Variants in GSE1 observed in about 807,000 individuals in gnomAD.
The protein encoded by GSE1 is Gse1 coiled-coil protein.
In GSE1, 32 loss-of-function variants were observed where a neutral mutation model predicts 112.6. The ratio of observed to expected loss-of-function variants is 0.28; its 90% CI spans 0.21 to 0.38. The LOEUF (loss-of-function observed/expected upper bound fraction) is 0.38, where lower values mean the gene tolerates loss of function less well. Ranked by LOEUF, GSE1 falls within the 10% of genes least tolerant of loss-of-function variation. The pLI is 1.00. For missense variants in GSE1, 2,348 were observed against 1,699.2 expected (o/e 1.38, Z -6.71); for synonymous variants, 1,115 against 735.6 (o/e 1.52, Z -8.35).
chr16:85,247,009 G>T (rs909558137), intron 1 of GSE1, among the ~76,000 whole-genome samples: 2 of 152,026 alleles, frequency 1.3e-5, no homozygotes, highest in African/African-American at 2.4e-5. Flanking sequence ...GTCCCTAGAG[G>T]GGGGCACCGC....
At chr16:85,389,519 G>A (rs964788355) in intron 2 of GSE1, among the ~76,000 whole-genome samples, 8 of 151,806 alleles carry the variant, frequency 5.3e-5, no homozygotes, top group Admixed American at 5.2e-4. Context: ...GAGGGTGGGG[G>A]TCACATTATT....
At chr16:85,303,851 G>A (rs2045592137) in intron 1 of GSE1, among the ~76,000 whole-genome samples, 1 of 152,242 alleles carries the variant, frequency 6.6e-6, no homozygotes, top group African/African-American at 2.4e-5. Flanking sequence ...CATGGGAGAA[G>A]GCTGGGAATC....
chr16:85,335,358 C>T (rs1412282772), intron 1 of GSE1, among the ~76,000 whole-genome samples: 2 of 152,264 alleles, frequency 1.3e-5, no homozygotes, highest in Non-Finnish European at 2.9e-5. Context: ...GCATTCTTTC[C>T]TCGGCAAGCG....
chr16:85,409,937 C>G (rs866063161), intron 2 of GSE1, among the ~76,000 whole-genome samples: 1 of 7,686 alleles, frequency 1.3e-4, no homozygotes, highest in African/African-American at 4.9e-4. Flanking sequence ...TACACTCAGG[C>G]CCCCCGGATA....
At chr16:85,532,861 C>T (rs1344397772) in intron 2 of GSE1, among the ~76,000 whole-genome samples, 1 of 152,220 alleles carries the variant, frequency 6.6e-6, no homozygotes, top group Non-Finnish European at 1.5e-5. Flanking sequence ...GTGAAGTGGG[C>T]CGCCCCTGCA....
intron 2 of GSE1, among the ~76,000 whole-genome samples, chr16:85,514,388 T>C (rs1598021750): frequency 8.8e-6 from 1 of 113,498 alleles, no homozygotes; most frequent in South Asian, 3.5e-4. Flanking sequence ...CTTTGCACCC[T>C]CTGAGTCCTG....
intron 1 of GSE1, among the ~76,000 whole-genome samples, chr16:85,220,722 C>A (rs1272180464): frequency 6.6e-6 from 1 of 152,204 alleles, no homozygotes; most frequent in Non-Finnish European, 1.5e-5. Flanking sequence ...CTCTCTCGCG[C>A]TCTCTGCACC....
intron 2 of GSE1, among the ~76,000 whole-genome samples, chr16:85,364,942 C>T (rs111915653): frequency 6.6e-6 from 1 of 152,240 alleles, no homozygotes; most frequent in Non-Finnish European, 1.5e-5. Flanking sequence ...TACATGCTCT[C>T]CCTGGGTCCT....
chr16:85,457,459 T>G (rs1048619464), intron 2 of GSE1, among the ~76,000 whole-genome samples: 4 of 152,206 alleles, frequency 2.6e-5, no homozygotes, highest in Non-Finnish European at 5.9e-5. Context: ...TCATCCTGGG[T>G]TTCTCTGTCC....
intron 2 of GSE1, among the ~76,000 whole-genome samples, chr16:85,635,441 C>G (rs546332611): frequency 2.1e-3 from 316 of 152,292 alleles, no homozygotes; most frequent in African/African-American, 7.3e-3. Flanking sequence ...GTCAAGAGGC[C>G]GGACAGCTGC....
intron 1 of GSE1, among the ~76,000 whole-genome samples, chr16:85,343,059 GCCTC>G (rs2046658545): frequency 6.6e-6 from 1 of 151,986 alleles, no homozygotes; most frequent in Admixed American, 6.5e-5. Flanking sequence ...TGCTGGATGT[GCCTC>G]CCTCAGCCTC....
At chr16:85,228,205 A>C (rs777514029) in intron 1 of GSE1, among the ~76,000 whole-genome samples, 10 of 152,258 alleles carry the variant, frequency 6.6e-5, no homozygotes, top group Non-Finnish European at 1.2e-4. Flanking sequence ...CTTGGCTCGC[A>C]GTGAAACATG....
chr16:85,183,987 T>A (rs1197332986), intron 1 of GSE1, among the ~76,000 whole-genome samples: 1 of 152,108 alleles, frequency 6.6e-6, no homozygotes, highest in Non-Finnish European at 1.5e-5. Context: ...ATTGTTCATA[T>A]TTGTTTCTGT....
At chr16:85,636,475 T>A (rs987909846) in intron 2 of GSE1, among the ~76,000 whole-genome samples, 1 of 152,186 alleles carries the variant, frequency 6.6e-6, no homozygotes, top group Non-Finnish European at 1.5e-5. Flanking sequence ...GGTGACTCGT[T>A]CCTCGTGACC....
chr16:85,670,972 A>C (rs749591752), intron 14 of GSE1, 23 bp from the exon 15 acceptor site: 2 of 1,470,386 alleles, frequency 1.4e-6, no homozygotes, highest in Non-Finnish European at 1.9e-6. Flanking sequence ...CGGAAAATAC[A>C]TCACCATCTC....
At chr16:85,654,720 G>A in intron 4 of GSE1, 74 bp from the exon 5 acceptor site, 1 of 928,562 alleles carries the variant, frequency 1.1e-6, no homozygotes, top group Non-Finnish European at 1.7e-6. Context: ...GATGCAGGGA[G>A]TTTAGCCGTC....
chr16:85,341,973 A>G (rs1373184672), intron 1 of GSE1, among the ~76,000 whole-genome samples: 1 of 152,054 alleles, frequency 6.6e-6, no homozygotes, highest in Non-Finnish European at 1.5e-5. Flanking sequence ...TCGGCAGTGG[A>G]ATAGAGACCG....
upstream of GSE1, among the ~76,000 whole-genome samples, chr16:85,607,721 C>T (rs1390662491): frequency 2.0e-5 from 3 of 152,160 alleles, no homozygotes; most frequent in East Asian, 3.9e-4. Flanking sequence ...GAGAGGCGGG[C>T]GCTGCTTTCC....
intron 1 of GSE1, among the ~76,000 whole-genome samples, chr16:85,350,182 A>G (rs1257563119): frequency 6.6e-6 from 1 of 152,186 alleles, no homozygotes; most frequent in Admixed American, 6.5e-5. Context: ...AGGGGTTACT[A>G]GCCCACTTTC....
Sources: gnomAD v4.1 joint callset for allele counts (sites outside exome capture counted in the v4.1 genomes callset) on GRCh38, gnomAD v4.1.1 for gene constraint, MANE v1.5 for transcripts, NCBI Gene and HGNC (gene_info 2026-07-23, HGNC 2026-07-21) for gene names.